Variants in REEP1 observed in about 807,000 individuals in gnomAD.
REEP1 encodes the protein receptor expression-enhancing protein 1.
In REEP1, 22 loss-of-function variants were observed where a neutral mutation model predicts 40.3. The observed-to-expected ratio is 0.55, with a 90% confidence interval of 0.39 to 0.78. The LOEUF (loss-of-function observed/expected upper bound fraction) is 0.78. Among genes scored for constraint, REEP1 ranks in the 30% least tolerant of loss-of-function variants. The pLI is 0.00. For synonymous variants in REEP1, 116 were observed against 139.2 expected, an observed-to-expected ratio of 0.83 and a Z score of 1.17; for missense variants, 280 against 361.1, an observed-to-expected ratio of 0.78 and a Z score of 1.82.
intron 1 of REEP1, among the ~76,000 whole-genome samples, chr2:86,290,607 C>T: frequency 6.6e-6 from 1 of 152,196 alleles, no homozygotes; most frequent in East Asian, 1.9e-4. Context: ...TGTGGCAAAA[C>T]AAGCCTTCCC....
chr2:86,324,222 A>G (rs1449568981), intron 1 of REEP1, among the ~76,000 whole-genome samples: 1 of 152,220 alleles, frequency 6.6e-6, no homozygotes, highest in Non-Finnish European at 1.5e-5. Flanking sequence ...AAAATAAATC[A>G]CAGACTGGGA....
At chr2:86,223,173 C>T (rs1225354868) in intron 7 of REEP1, among the ~76,000 whole-genome samples, 1 of 152,224 alleles carries the variant, frequency 6.6e-6, no homozygotes, top group Non-Finnish European at 1.5e-5. Flanking sequence ...CTGCCGTCTT[C>T]CACAGCAGGG....
At chr2:86,298,827 T>A (rs1370622145) in intron 1 of REEP1, among the ~76,000 whole-genome samples, 2 of 152,228 alleles carry the variant, frequency 1.3e-5, no homozygotes, top group African/African-American at 4.8e-5. Context: ...CGCTTTTTGC[T>A]GTATCCCTTT....
rs114888092 is a variant in REEP1 at position 86,237,319 on chromosome 2, C to T, written c.418-4517G>A. On this transcript the variant is annotated intron_variant, in intron 5 of 8. Coordinates refer to ENST00000538924, the MANE Select transcript of REEP1 (RefSeq NM_001371279.1). ...TCAAAACTGGCATGAATGAAAATCC[C>T]AGAAACAACAGCTCGACATCACCCA... Among the ~76,000 whole-genome samples, 974 of 152,228 alleles carry T rather than the reference C, an allele frequency of 6.4e-3. 12 individuals are homozygous for T. The highest frequency in any genetic ancestry group is 0.023 in the African/African-American group (939 of 41,518).
At chr2:86,220,252 T>C in intron 7 of REEP1, 131 bp from the exon 8 acceptor site, 1 of 537,988 alleles carries the variant, frequency 1.9e-6, no homozygotes, top group Non-Finnish European at 2.8e-6. Context: ...CTGAGGCCCC[T>C]CGGTCTGAGG....
intron 5 of REEP1, among the ~76,000 whole-genome samples, chr2:86,246,006 C>T (rs184259922): frequency 7.9e-5 from 12 of 152,180 alleles, no homozygotes; most frequent in South Asian, 2.1e-4. Flanking sequence ...CCTCGTGATC[C>T]GCCCGCCTTG....
At chr2:86,320,145 C>T (rs1680214757) in intron 1 of REEP1, among the ~76,000 whole-genome samples, 1 of 152,182 alleles carries the variant, frequency 6.6e-6, no homozygotes, top group African/African-American at 2.4e-5. Flanking sequence ...AGAGAGAAGC[C>T]TGCTGCAATC....
intron 1 of REEP1, among the ~76,000 whole-genome samples, chr2:86,336,140 A>T (rs1486183702): frequency 6.6e-6 from 1 of 152,214 alleles, no homozygotes; most frequent in Admixed American, 6.5e-5. Flanking sequence ...AAGGCGTGTC[A>T]GCCACTTTCC....
At chr2:86,264,088 A>C in intron 2 of REEP1, 47 bp from the exon 3 acceptor site, 1 of 1,382,336 alleles carries the variant, frequency 7.2e-7, no homozygotes, top group Non-Finnish European at 1.0e-6. Context: ...GTCCAGGAAA[A>C]ACACTGCCCA....
chr2:86,222,730 C>G (rs1224011987), intron 7 of REEP1, among the ~76,000 whole-genome samples: 1 of 152,194 alleles, frequency 6.6e-6, no homozygotes, highest in Non-Finnish European at 1.5e-5. Flanking sequence ...AATTTTCTTA[C>G]TTTGATTTGC....
intron 1 of REEP1, among the ~76,000 whole-genome samples, chr2:86,286,370 C>T (rs1262319926): frequency 6.6e-6 from 1 of 152,162 alleles, no homozygotes; most frequent in Non-Finnish European, 1.5e-5. Context: ...GCGAAACATC[C>T]TATCATGCAC....
rs139435505 is a variant in REEP1 at position 86,293,702 on chromosome 2, G to A, written c.33-11460C>T. Among the ~76,000 whole-genome samples, 406 of 152,324 alleles carry A rather than the reference G, an allele frequency of 2.7e-3. 1 individual carries two copies. Among genetic ancestry groups the A allele is most frequent in the Non-Finnish European group, 4.5e-3 (308 of 68,030 alleles). The stretch of plus-strand genomic sequence containing the variant: ...CACTCAGCTGTACTGAGGCTGCATC[G>A]CTTCTGTTTATAGTCCTATGACACC... On this transcript the variant is annotated intron_variant, in intron 1 of 8. Coordinates refer to ENST00000538924, the MANE Select transcript of REEP1 (RefSeq NM_001371279.1).
chr2:86,277,766 G>A (rs1432521616), intron 2 of REEP1, among the ~76,000 whole-genome samples: 1 of 152,158 alleles, frequency 6.6e-6, no homozygotes, highest in Non-Finnish European at 1.5e-5. Flanking sequence ...TTCAGAATGG[G>A]TATCCTGTGG....
At chr2:86,315,636 A>G (rs1056739014) in intron 1 of REEP1, among the ~76,000 whole-genome samples, 2 of 152,184 alleles carry the variant, frequency 1.3e-5, no homozygotes, top group African/African-American at 4.8e-5. Context: ...GGTACTCAGT[A>G]AAGTGTTTTA....
intron 1 of REEP1, among the ~76,000 whole-genome samples, chr2:86,307,141 T>C (rs748266972): frequency 2.0e-5 from 3 of 150,544 alleles, no homozygotes; most frequent in Admixed American, 1.3e-4. Context: ...GAGGTGGAGG[T>C]TGCAGTGAGC....
intron 1 of REEP1, among the ~76,000 whole-genome samples, chr2:86,313,707 C>T (rs1044798612): frequency 4.3e-4 from 65 of 152,262 alleles, no homozygotes; most frequent in African/African-American, 1.5e-3. Flanking sequence ...AATCAAGGGC[C>T]AGGCCAGTGA....
intron 1 of REEP1, among the ~76,000 whole-genome samples, chr2:86,332,096 T>C (rs183943324): frequency 1.3e-5 from 2 of 152,160 alleles, no homozygotes; most frequent in Admixed American, 6.5e-5. Context: ...GACTTAAAAA[T>C]CCCAAAGTGA....
At chr2:86,306,252 A>G (rs1679474778) in intron 1 of REEP1, among the ~76,000 whole-genome samples, 1 of 152,148 alleles carries the variant, frequency 6.6e-6, no homozygotes, top group Admixed American at 6.5e-5. Flanking sequence ...AGTCTTCAGT[A>G]TGTTCATGCT....
intron 2 of REEP1, among the ~76,000 whole-genome samples, chr2:86,276,784 G>A (rs562977098): frequency 2.8e-5 from 4 of 145,136 alleles, no homozygotes; most frequent in African/African-American, 5.7e-5. Flanking sequence ...AGTGAGGTCC[G>A]TGGACCAGCA....
Sources: allele counts gnomAD v4.1 joint callset (sites outside exome capture counted in the v4.1 genomes callset), GRCh38; gene constraint gnomAD v4.1.1; transcripts MANE v1.5; gene names NCBI Gene and HGNC (gene_info 2026-07-23, HGNC 2026-07-21).